DLG2: variants seen among roughly 807,000 people sequenced by gnomAD.
DLG2 encodes disks large homolog 2.
Under a neutral mutation model 132.5 loss-of-function variants are expected in DLG2, and 45 were observed. The ratio of observed to expected loss-of-function variants is 0.34; its 90% CI spans 0.27 to 0.44. The LOEUF is 0.44. Ranked by LOEUF, DLG2 falls within the 20% of genes least tolerant of loss-of-function variation. DLG2 has a pLI of 1.00. For synonymous variants in DLG2, 424 were observed against 419.6 expected, an observed-to-expected ratio of 1.01 and a Z score of -0.13; for missense variants, 1,045 against 1,196.9, an observed-to-expected ratio of 0.87 and a Z score of 1.87.
intron 6 of DLG2, among the ~76,000 whole-genome samples, chr11:84,639,368 C>A (rs1262301582): frequency 1.0e-5 from 1 of 98,412 alleles, no homozygotes; most frequent in East Asian, 3.0e-4. Flanking sequence ...TTTTTTTTGT[C>A]TGAAAGTGAC....
At chr11:83,479,054 C>T (rs1018587489) in intron 22 of DLG2, among the ~76,000 whole-genome samples, 1 of 152,110 alleles carries the variant, frequency 6.6e-6, no homozygotes, top group Admixed American at 6.6e-5. Flanking sequence ...ATTCTTCCAT[C>T]AACAAGAATT....
At position 84,346,363 on chromosome 11, in the gene DLG2, G is replaced by C. The variant is rs566850964; in HGVS notation, c.520-95072C>G. On this transcript the variant is annotated intron_variant, in intron 7 of 27. Coordinates refer to ENST00000376104, the MANE Select transcript of DLG2 (RefSeq NM_001142699.3). ...AGTGTCTTAATTAATTTTGCATCTTGAATCTTATATATGCCTGGTATACAG... is the reference window on the plus strand; with the variant it reads ...AGTGTCTTAATTAATTTTGCATCTTCAATCTTATATATGCCTGGTATACAG... Among the ~76,000 whole-genome samples, 62 of 152,254 alleles carry C rather than the reference G, an allele frequency of 4.1e-4. 2 individuals are homozygous for C. The South Asian group carries it at 0.012, about 30-fold the overall frequency.
At chr11:84,237,300 T>A (rs572941470) in intron 8 of DLG2, among the ~76,000 whole-genome samples, 1 of 152,140 alleles carries the variant, frequency 6.6e-6, no homozygotes, top group Non-Finnish European at 1.5e-5. Flanking sequence ...CTTTGAGACA[T>A]CAGCAAAAGT....
chr11:85,348,078 C>G (rs1421210492), intron 3 of DLG2, among the ~76,000 whole-genome samples: 2 of 144,520 alleles, frequency 1.4e-5, no homozygotes, highest in Non-Finnish European at 3.0e-5. Context: ...TTCCGCCTCC[C>G]TGGTTCAAGC....
intron 8 of DLG2, among the ~76,000 whole-genome samples, chr11:84,210,045 G>A (rs907598758): frequency 2.0e-5 from 3 of 152,120 alleles, no homozygotes; most frequent in South Asian, 2.1e-4. Context: ...CACTTTGGGA[G>A]GCAGAGGCGG....
intron 3 of DLG2, among the ~76,000 whole-genome samples, chr11:85,552,979 T>A (rs1274788901): frequency 6.6e-6 from 1 of 151,630 alleles, no homozygotes; most frequent in East Asian, 1.9e-4. Flanking sequence ...AAACTTCAGA[T>A]AATTAAAGAC....
At chr11:85,345,173 T>A (rs904923767) in intron 3 of DLG2, among the ~76,000 whole-genome samples, 3 of 152,122 alleles carry the variant, frequency 2.0e-5, no homozygotes, top group Non-Finnish European at 4.4e-5. Flanking sequence ...TTCATTCTTG[T>A]TATAAATCAT....
chr11:84,950,967 GT>G (rs1395122700), intron 6 of DLG2, among the ~76,000 whole-genome samples: 2 of 151,996 alleles, frequency 1.3e-5, no homozygotes, highest in African/African-American at 4.8e-5. Flanking sequence ...TTTTACTTTG[GT>G]TTGTTTCACA....
chr11:85,343,029 G>A (rs2082602774), intron 3 of DLG2, among the ~76,000 whole-genome samples: 1 of 150,082 alleles, frequency 6.7e-6, no homozygotes, highest in Non-Finnish European at 1.5e-5. Context: ...GTTTCGTAAT[G>A]TGAGTTTTTT....
chr11:84,287,741 G>GACACACACAC (rs373708341), intron 7 of DLG2, among the ~76,000 whole-genome samples: 7,137 of 139,184 alleles, frequency 0.051, 226 homozygotes, highest in African/African-American at 0.075. Context: ...CTCTCTCTTA[G>GACACACACAC]ACACACACAC....
intron 4 of DLG2, among the ~76,000 whole-genome samples, chr11:85,197,107 G>C (rs934814732): frequency 3.9e-5 from 6 of 152,184 alleles, no homozygotes; most frequent in African/African-American, 1.4e-4. Flanking sequence ...AGGCAAAGGA[G>C]TATAGGCACA....
chr11:84,483,524 CT>C (rs2099143336), intron 7 of DLG2, among the ~76,000 whole-genome samples: 1 of 151,092 alleles, frequency 6.6e-6, no homozygotes, highest in African/African-American at 2.4e-5. Flanking sequence ...GCTGAAACTA[CT>C]TTTTGCACTG....
intron 6 of DLG2, among the ~76,000 whole-genome samples, chr11:84,725,034 T>C (rs1476145627): frequency 6.6e-6 from 1 of 152,144 alleles, no homozygotes; most frequent in Non-Finnish European, 1.5e-5. Context: ...GTCAACCTGA[T>C]GACAAAGGTT....
intron 18 of DLG2, among the ~76,000 whole-genome samples, chr11:83,759,481 T>A (rs2093804116): frequency 6.6e-6 from 1 of 152,204 alleles, no homozygotes; most frequent in Admixed American, 6.5e-5. Flanking sequence ...AACTGTGACC[T>A]CGAAGGCTTT....
chr11:84,872,515 T>C (rs1047673635), intron 6 of DLG2, among the ~76,000 whole-genome samples: 1 of 152,168 alleles, frequency 6.6e-6, no homozygotes. Flanking sequence ...TATAATAGAG[T>C]TGTACACACA....
chr11:83,902,622 T>G (rs2073777853), intron 15 of DLG2, among the ~76,000 whole-genome samples: 1 of 152,156 alleles, frequency 6.6e-6, no homozygotes, highest in Non-Finnish European at 1.5e-5. Context: ...ATGTGCAACC[T>G]CCTCATCTGA....
chr11:85,139,232 C>T (rs187486186), intron 5 of DLG2, among the ~76,000 whole-genome samples: 3 of 152,192 alleles, frequency 2.0e-5, no homozygotes, highest in South Asian at 2.1e-4. Flanking sequence ...GAGCAGGAAC[C>T]TTATGTTTTG....
At chr11:84,198,683 T>G (rs1295621378) in intron 8 of DLG2, among the ~76,000 whole-genome samples, 3 of 152,096 alleles carry the variant, frequency 2.0e-5, no homozygotes, top group Non-Finnish European at 4.4e-5. Context: ...AAAATAAAAA[T>G]TATAAAGTGG....
intron 17 of DLG2, among the ~76,000 whole-genome samples, chr11:83,832,300 G>C (rs940559789): frequency 6.6e-6 from 1 of 152,154 alleles, no homozygotes; most frequent in Non-Finnish European, 1.5e-5. Context: ...AAAACTTTTG[G>C]AGTGATGGTT....
Sources: gnomAD v4.1 joint callset for allele counts (sites outside exome capture counted in the v4.1 genomes callset) on GRCh38, gnomAD v4.1.1 for gene constraint, MANE v1.5 for transcripts, NCBI Gene and HGNC (gene_info 2026-07-23, HGNC 2026-07-21) for gene names.